MYO10: variants seen among roughly 807,000 people sequenced by gnomAD.
MYO10 encodes unconventional myosin-X.
Under a neutral mutation model 257.3 loss-of-function variants are expected in MYO10, and 133 were observed. The ratio of observed to expected loss-of-function variants is 0.52; its 90% confidence interval spans 0.45 to 0.60. MYO10 has a LOEUF of 0.60. MYO10 is among the 20% of genes least tolerant of loss of function. MYO10 has a pLI of 0.00. For missense variants in MYO10, 2,399 were observed against 2,635.7 expected (o/e 0.91, Z 1.97); for synonymous variants, 1,104 against 1,028.6 (o/e 1.07, Z -1.40).
intron 1 of MYO10, among the ~76,000 whole-genome samples, chr5:16,911,313 TTC>T (rs2126792243): frequency 6.6e-6 from 1 of 152,344 alleles, no homozygotes; most frequent in Non-Finnish European, 1.5e-5. Context: ...AGCCATTCCA[TTC>T]CCTTCCTTTG....
chr5:16,809,222 A>C (rs1434184793), intron 3 of MYO10, among the ~76,000 whole-genome samples: 1 of 151,552 alleles, frequency 6.6e-6, no homozygotes. Context: ...CATCTGCCCC[A>C]AGTGTGTTCA....
chr5:16,798,674 T>C (rs577722509), intron 3 of MYO10, among the ~76,000 whole-genome samples: 2 of 152,318 alleles, frequency 1.3e-5, no homozygotes, highest in South Asian at 2.1e-4. Flanking sequence ...TTCTACCTTT[T>C]TGATAGTTGT....
intron 2 of MYO10, among the ~76,000 whole-genome samples, chr5:16,823,315 C>A (rs1389778589): frequency 6.8e-6 from 1 of 147,658 alleles, no homozygotes; most frequent in South Asian, 2.3e-4. Flanking sequence ...CATGGTGGCA[C>A]GTGACGGTAA....
At chr5:16,820,903 CTT>C (rs1197415152) in intron 2 of MYO10, among the ~76,000 whole-genome samples, 9 of 147,592 alleles carry the variant, frequency 6.1e-5, no homozygotes, top group Non-Finnish European at 8.9e-5. Flanking sequence ...ATACATATAT[CTT>C]ATATGTATTT....
At chr5:16,902,323 C>A in intron 1 of MYO10, 3 of 929,294 alleles carry the variant, frequency 3.2e-6, no homozygotes, top group Non-Finnish European at 5.3e-6. Flanking sequence ...GGACATGGGG[C>A]AGCACCCGCA....
intron 4 of MYO10, among the ~76,000 whole-genome samples, chr5:16,788,789 G>A (rs1003791469): frequency 3.3e-5 from 5 of 152,128 alleles, no homozygotes; most frequent in African/African-American, 9.7e-5. Context: ...GGTGGGGGGC[G>A]TGGGGGCAGC....
intron 18 of MYO10, among the ~76,000 whole-genome samples, chr5:16,757,663 T>C (rs1740574780): frequency 6.6e-6 from 1 of 152,024 alleles, no homozygotes; most frequent in Admixed American, 6.6e-5. Flanking sequence ...TTTTATTTCT[T>C]TTCTCTCTTT....
chr5:16,719,985 C>CGTGTGTGT (rs1211912430), intron 19 of MYO10, among the ~76,000 whole-genome samples: 1 of 83,866 alleles, frequency 1.2e-5, no homozygotes, highest in African/African-American at 6.0e-5. Context: ...AATGTGTGTG[C>CGTGTGTGT]GTGCGTGTGT....
intron 19 of MYO10, among the ~76,000 whole-genome samples, chr5:16,737,703 C>A (rs1288756332): frequency 1.3e-5 from 2 of 152,138 alleles, no homozygotes; most frequent in African/African-American, 2.4e-5. Context: ...GTGGTTTTGC[C>A]CCCTGGGGGG....
intron 2 of MYO10, among the ~76,000 whole-genome samples, chr5:16,837,265 A>G (rs1186643330): frequency 2.0e-5 from 3 of 152,174 alleles, no homozygotes; most frequent in Admixed American, 1.3e-4. Context: ...AGCCAAGATC[A>G]CACCATTGCA....
chr5:16,729,922 G>C (rs568585895), intron 19 of MYO10, among the ~76,000 whole-genome samples: 1 of 152,146 alleles, frequency 6.6e-6, no homozygotes, highest in South Asian at 2.1e-4. Context: ...AAGATGTCAC[G>C]CAAAACTACT....
intron 9 of MYO10, among the ~76,000 whole-genome samples, chr5:16,773,483 A>C (rs957694950): frequency 2.6e-5 from 4 of 152,054 alleles, no homozygotes; most frequent in African/African-American, 9.7e-5. Context: ...GCAACATAGC[A>C]AGAACCCCAT....
At chr5:16,773,674 A>AG in intron 9 of MYO10, among the ~76,000 whole-genome samples, 1 of 151,880 alleles carries the variant, frequency 6.6e-6, no homozygotes, top group South Asian at 2.1e-4. Context: ...AAAAAAAAAA[A>AG]AAAAGTGAAA....
chr5:16,772,454 A>G (rs1410085341), intron 9 of MYO10, among the ~76,000 whole-genome samples: 1 of 152,242 alleles, frequency 6.6e-6, no homozygotes, highest in Non-Finnish European at 1.5e-5. Flanking sequence ...TTTTAAAGAA[A>G]ATTATGCACA....
At position 16,818,159 on chromosome 5, in the gene MYO10, A is replaced by C. The variant is rs1464127938; in HGVS notation, c.129T>G (p.Thr43=). ...GGTGGGTAATTGTGCTCTGCTTGTA[A>C]GTGAATACCTGAGGGAGGGAGAGGA... ...VFRTDYGQVF[T]YKQSTITHQK... The change falls in exon 3 of 41, where the codon ACT becomes ACG. Residue 43 remains threonine, a synonymous_variant. Transcript: ENST00000513610. The C allele has an allele frequency of 3.8e-6, 6 of 1,571,272 alleles. No individual in the cohort carries two copies. In the Admixed American group the frequency reaches 7.1e-5, roughly 18 times the overall value.
intron 17 of MYO10, among the ~76,000 whole-genome samples, chr5:16,758,982 T>C (rs779791794): frequency 6.6e-6 from 1 of 151,960 alleles, no homozygotes; most frequent in Non-Finnish European, 1.5e-5. Flanking sequence ...AGTGCAGTGG[T>C]GCGATCTCGG....
intron 1 of MYO10, among the ~76,000 whole-genome samples, chr5:16,897,213 C>T (rs1461979354): frequency 1.3e-5 from 2 of 151,036 alleles, no homozygotes; most frequent in East Asian, 1.9e-4. Flanking sequence ...TTAAAAGATA[C>T]CATTTAAAAA....
At chr5:16,815,730 T>A (rs2126702057) in intron 3 of MYO10, among the ~76,000 whole-genome samples, 1 of 152,270 alleles carries the variant, frequency 6.6e-6, no homozygotes, top group East Asian at 1.9e-4. Context: ...TGTGGATACC[T>A]ATGCAGTGGT....
intron 1 of MYO10, among the ~76,000 whole-genome samples, chr5:16,882,206 A>G (rs564677641): frequency 1.8e-4 from 27 of 152,202 alleles, no homozygotes; most frequent in Non-Finnish European, 3.5e-4. Context: ...CCCTTTCTTC[A>G]AACGTAAGGT....
Sources: gnomAD v4.1 joint callset for allele counts (sites outside exome capture counted in the v4.1 genomes callset) on GRCh38, gnomAD v4.1.1 for gene constraint, MANE v1.5 for transcripts, NCBI Gene and HGNC (gene_info 2026-07-23, HGNC 2026-07-21) for gene names.